Variants in PZP observed in about 807,000 individuals in gnomAD.
The protein encoded by PZP is PZP alpha-2-macroglobulin like.
In PZP, 150 loss-of-function variants were observed where a neutral mutation model predicts 179.8. That is an observed-to-expected ratio of 0.83 (90% CI 0.73 to 0.96). The LOEUF is 0.96. PZP is among the 40% of genes least tolerant of loss of function. The probability of loss-of-function intolerance (pLI) is 0.00; values close to 1 mark genes in which losing one functional copy is unlikely to be tolerated. For synonymous variants in PZP, 624 were observed against 652.3 expected, an observed-to-expected ratio of 0.96 and a Z score of 0.66; for missense variants, 1,689 against 1,764.0, an observed-to-expected ratio of 0.96 and a Z score of 0.76.
At chr12:9,184,517 C>T (rs970058277) in intron 13 of PZP, among the ~76,000 whole-genome samples, 1 of 152,158 alleles carries the variant, frequency 6.6e-6, no homozygotes, top group Non-Finnish European at 1.5e-5. Context: ...TGCACAAAGG[C>T]CAGCAACCTG....
chr12:9,166,260 C>T (rs1383181073), intron 17 of PZP, 58 bp from the exon 18 acceptor site: 6 of 1,558,946 alleles, frequency 3.8e-6, no homozygotes, highest in Admixed American at 3.9e-5. Flanking sequence ...TCATGGTGCA[C>T]ATGTGAGACG....
the PZP span, among the ~76,000 whole-genome samples, chr12:9,139,996 C>G: frequency 2.0e-5 from 3 of 152,106 alleles, no homozygotes; most frequent in Non-Finnish European, 4.4e-5. Flanking sequence ...GGGAGGTTAT[C>G]TTGGGGCTGC....
At chr12:9,172,702 A>G (rs1411710798) in intron 15 of PZP, among the ~76,000 whole-genome samples, 3 of 152,212 alleles carry the variant, frequency 2.0e-5, no homozygotes, top group Non-Finnish European at 4.4e-5. Context: ...AACAGACTTT[A>G]AACCAACAAA....
chr12:9,160,276 T>G (rs145100162), intron 24 of PZP, 38 bp downstream of exon 24: 3 of 1,556,872 alleles, frequency 1.9e-6, no homozygotes, highest in Admixed American at 3.9e-5. Context: ...AAAAGTTTCA[T>G]TAGAGTAACA....
Position 9,165,139 on chromosome 12 carries a change from C to A in PZP, c.2487G>T (p.Arg829=), listed in dbSNP as rs946955555. The A allele has an allele frequency of 4.3e-6, 7 of 1,613,206 alleles. No homozygotes were observed. The highest frequency in any genetic ancestry group is 5.9e-6 in the Non-Finnish European group (7 of 1,179,320). ...TVLNYLPKCI[R]VSVQLKASPA... ...TCCTGTTCACCCTCATTTTCCTTACCCGGATGCATTTGGGAAGGTAGTTTA... is the reference window on the plus strand; with the variant it reads ...TCCTGTTCACCCTCATTTTCCTTACACGGATGCATTTGGGAAGGTAGTTTA... Residue 829 remains arginine, a splice_region_variant and synonymous_variant, in exon 19 of 36, where the codon CGG becomes CGT. Coordinates refer to ENST00000261336, the MANE Select transcript of PZP (RefSeq NM_002864.3).
At chr12:9,162,195 CAA>C in intron 22 of PZP, 1 of 160,346 alleles carries the variant, frequency 6.2e-6, no homozygotes, top group Non-Finnish European at 1.4e-5. Flanking sequence ...CCCCTGACCT[CAA>C]GTCATCCTCC....
chr12:9,203,378 G>T (rs1288662886), intron 2 of PZP, among the ~76,000 whole-genome samples: 2 of 118,634 alleles, frequency 1.7e-5, no homozygotes, highest in East Asian at 4.9e-4. Context: ...GTCTCGCTCT[G>T]TCGCCCAGGC....
rs1354382177 is a variant in PZP at position 9,192,691 on chromosome 12, C to T, written c.1303G>A (p.Glu435Lys). The change falls in exon 12 of 36, where the codon GAA (glutamate) becomes AAA (lysine). Residue 435 changes from glutamate (E) to lysine (K), a missense_variant. Around this residue, in one of 3 missense-constraint regions of PZP, gnomAD observed 742 missense variants for 730.5 expected, o/e 1.02. Coordinates refer to ENST00000261336, the MANE Select transcript of PZP (RefSeq NM_002864.3). ...NLCFHYSWVA[E>K]DHQGAQHTAN... ...GTGTGCTGAGCACCCTGGTGGTCTT[C>T]TGCTACCCATGAATAGTGAAAACAC... 2.5e-6 allele frequency: 4 copies of T among 1,613,800 alleles called. No individual in the cohort carries two copies. The highest frequency in any genetic ancestry group is 2.5e-6 in the Non-Finnish European group (3 of 1,179,776).
At chr12:9,154,974 C>T in intron 28 of PZP, 135 bp from the exon 29 acceptor site, 1 of 917,292 alleles carries the variant, frequency 1.1e-6, no homozygotes. Context: ...GTCATAAACT[C>T]CTAAAACTCA....
At chr12:9,175,358 C>T (rs1254603264) in intron 15 of PZP, among the ~76,000 whole-genome samples, 1 of 151,914 alleles carries the variant, frequency 6.6e-6, no homozygotes, top group East Asian at 1.9e-4. Flanking sequence ...CTATAAAGAC[C>T]CTTGAAGAAA....
chr12:9,138,842 CT>C, the PZP span, among the ~76,000 whole-genome samples: 4 of 149,992 alleles, frequency 2.7e-5, no homozygotes, highest in Admixed American at 6.6e-5. Context: ...TCTTTCATTT[CT>C]TTTTTTTTAG....
In PZP at chr12:9,157,494, T is replaced by C. The variant is rs769852137; in HGVS notation, c.3370-139A>G. On this transcript the variant is annotated intron_variant, in intron 27 of 35. Coordinates refer to ENST00000261336, the MANE Select transcript of PZP (RefSeq NM_002864.3). ...CAGCTAGATATTCATCATATTTAAA[T>C]AGAAAAATATTTCGATCTCTTCCCT... The C allele has an allele frequency of 4.7e-6, 4 of 850,634 alleles. No homozygotes were observed. In the East Asian group the frequency reaches 1.1e-4, roughly 22 times the overall value. 52.7% of individuals were successfully genotyped at this position (850,634 alleles called of 1,614,324 possible).
At chr12:9,195,492 G>T (rs960948076) in intron 10 of PZP, among the ~76,000 whole-genome samples, 5 of 151,422 alleles carry the variant, frequency 3.3e-5, no homozygotes, top group Non-Finnish European at 7.4e-5. Flanking sequence ...TGCCCAGGCT[G>T]GAGTGCAGTG....
chr12:9,180,994 A>G lies in PZP; in HGVS notation c.1828T>C (p.Ser610Pro). 7 of 1,613,538 alleles carry G rather than the reference A, an allele frequency of 4.3e-6. No individual in the cohort carries two copies. Among genetic ancestry groups the G allele is most frequent in the South Asian group, 1.1e-5 (1 of 90,952 alleles). ...VLLMKPEAEL[S>P]VSSVYNLLTV... ...CACTGGAAACTCACTGAGGACACAG[A>G]GAGCTCAGCCTCAGGCTTCATGAGC... Residue 610 changes from serine to proline, a missense_variant, in exon 15 of 36, where the codon TCT becomes CCT. By Grantham distance (74) the Ser-to-Pro change is moderately conservative. This residue lies in a region of PZP where 742 missense variants were observed against 730.5 expected (regional missense o/e 1.02). Coordinates refer to ENST00000261336, the MANE Select transcript of PZP (RefSeq NM_002864.3).
chr12:9,188,636 C>A (rs1592532148), intron 13 of PZP, among the ~76,000 whole-genome samples: 2 of 152,124 alleles, frequency 1.3e-5, no homozygotes, highest in Admixed American at 6.6e-5. Context: ...ATAGTGTTGG[C>A]CCCAAAGCTC....
the PZP span, among the ~76,000 whole-genome samples, chr12:9,141,464 C>T: frequency 6.6e-6 from 1 of 152,238 alleles, no homozygotes; most frequent in East Asian, 1.9e-4. Context: ...TGTTAAAGAG[C>T]AGGTTAGTGC....
At chr12:9,202,440 G>A (rs1241691003) in intron 3 of PZP, 69 bp from the exon 4 acceptor site, 8 of 1,611,924 alleles carry the variant, frequency 5.0e-6, no homozygotes, top group Non-Finnish European at 6.8e-6. Context: ...AAGACAGGAG[G>A]CTACGGGGCT....
chr12:9,148,718 C>T, downstream of PZP: 1 of 420,630 alleles, frequency 2.4e-6, no homozygotes, highest in Non-Finnish European at 4.2e-6. Context: ...CTCCACTCTG[C>T]TTTCCTACTA....
At chr12:9,164,903 G>A (rs774195236) in intron 19 of PZP, among the ~76,000 whole-genome samples, 3 of 152,254 alleles carry the variant, frequency 2.0e-5, no homozygotes, top group Admixed American at 2.0e-4. Context: ...TTCTGCAAGC[G>A]CTAAGAAATA....
Sources: allele counts gnomAD v4.1 joint callset (sites outside exome capture counted in the v4.1 genomes callset), GRCh38; gene constraint gnomAD v4.1.1; regional missense constraint gnomAD v4.1.1; transcripts MANE v1.5; gene names NCBI Gene and HGNC (gene_info 2026-07-23, HGNC 2026-07-21).